The following VPS37C variants were observed in gnomAD, a reference collection of about 807,000 sequenced individuals.
VPS37C encodes the protein VPS37C subunit of ESCRT-I.
A neutral mutation model predicts 16.1 loss-of-function variants in VPS37C; 9 were observed. That is an observed-to-expected ratio of 0.56 (90% CI 0.34 to 0.97). The LOEUF (loss-of-function observed/expected upper bound fraction) is 0.97, where lower values mean the gene tolerates loss of function less well. VPS37C is among the 50% of genes least tolerant of loss of function. The probability of loss-of-function intolerance (pLI) is 0.02; values close to 1 mark genes in which losing one functional copy is unlikely to be tolerated. For synonymous variants in VPS37C, 207 were observed against 206.4 expected, an observed-to-expected ratio of 1.00 and a Z score of -0.02; for missense variants, 479 against 472.7, an observed-to-expected ratio of 1.01 and a Z score of -0.12.
chr11:61,152,528 G>A (rs569712390), intron 1 of VPS37C, among the ~76,000 whole-genome samples: 4 of 152,134 alleles, frequency 2.6e-5, no homozygotes, highest in Admixed American at 2.0e-4. Context: ...CAGTAACCTC[G>A]AGAGAACACT....
chr11:61,133,478 T>C, intron 3 of VPS37C, 141 bp from the exon 4 acceptor site: 1 of 789,958 alleles, frequency 1.3e-6, no homozygotes. Flanking sequence ...GTGGGCTTGA[T>C]GAGCACTTTT....
At chr11:61,157,605 G>A (rs1853398652) in intron 1 of VPS37C, among the ~76,000 whole-genome samples, 3 of 152,160 alleles carry the variant, frequency 2.0e-5, no homozygotes, top group African/African-American at 4.8e-5. Context: ...TTGTTGGGTA[G>A]TAGAAGTTCT....
chr11:61,160,069 G>C (rs1473576444), intron 1 of VPS37C, among the ~76,000 whole-genome samples: 1 of 152,142 alleles, frequency 6.6e-6, no homozygotes, highest in Non-Finnish European at 1.5e-5. Flanking sequence ...CCCTAGAACA[G>C]TGCCCAGCAT....
chr11:61,142,214 A>C (rs1262247883), intron 1 of VPS37C, among the ~76,000 whole-genome samples: 1 of 152,238 alleles, frequency 6.6e-6, no homozygotes, highest in African/African-American at 2.4e-5. Flanking sequence ...GGTATTTACC[A>C]TGTTAGAAAT....
intron 1 of VPS37C, among the ~76,000 whole-genome samples, chr11:61,152,554 G>A (rs1853313340): frequency 6.6e-6 from 1 of 151,932 alleles, no homozygotes; most frequent in African/African-American, 2.4e-5. Flanking sequence ...AGCTCCCATG[G>A]CCCTCCCATG....
chr11:61,132,803 C>T, intron 4 of VPS37C: 1 of 580,974 alleles, frequency 1.7e-6, no homozygotes, highest in African/African-American at 1.9e-5. Context: ...GCCAGGCCCA[C>T]AGTGGCCACT....
rs368023698 is a variant in VPS37C at position 61,131,979 on chromosome 11, G to C, written c.909C>G (p.Pro303=). Residue 303 remains proline, a synonymous_variant, in exon 5 of 5, where the codon CCC becomes CCG. Transcript: ENST00000301765. ...GGTAGGGAGGTTTTCCTCCTGTTGC[G>C]GGGTATGGGGACTGTTGAGGATAAC... ...SPGYPQQSPY[P]ATGGKPPYPI... 30 of 1,314,054 alleles carry C rather than the reference G, an allele frequency of 2.3e-5. No individual in the cohort carries two copies. Among genetic ancestry groups the C allele is most frequent in the Non-Finnish European group, 2.8e-5 (29 of 1,025,202 alleles). The allele number at this position is 1,314,054 out of a possible 1,614,324, so 81.4% of individuals were successfully genotyped here.
Position 61,130,780 on chromosome 11 carries a change from G to T in VPS37C, c.*1040C>A, listed in dbSNP as rs560586404. On this transcript the variant is annotated 3_prime_UTR_variant, in exon 5 of 5. Transcript: ENST00000301765. Reference sequence around the variant, plus strand: ...AAAAAATTGCCCCTAATGTAGTGATGGTGTTTTTTAAAAAGCACCATTTGG... The same window carrying T: ...AAAAAATTGCCCCTAATGTAGTGATTGTGTTTTTTAAAAAGCACCATTTGG... The T allele has an allele frequency of 1.4e-5, 6 of 432,808 alleles. No homozygotes were observed. The highest frequency in any genetic ancestry group is 2.3e-5 in the Non-Finnish European group (5 of 219,310). 26.8% of individuals were successfully genotyped at this position (432,808 alleles called of 1,614,324 possible).
chr11:61,157,504 C>T (rs1331503805), intron 1 of VPS37C, among the ~76,000 whole-genome samples: 1 of 152,128 alleles, frequency 6.6e-6, no homozygotes, highest in Admixed American at 6.5e-5. Flanking sequence ...TGTTGAGCAT[C>T]TTTTCATGTG....
Position 61,138,819 on chromosome 11 carries a change from A to G in VPS37C, c.11T>C (p.Leu4Pro), listed in dbSNP as rs769937572. The change falls in exon 2 of 5, where the codon CTG (leucine) becomes CCG (proline). Residue 4 changes from leucine to proline, a missense_variant. Transcript: ENST00000301765. Reference protein sequence around the residue: METLKDKTLQELEE... With the variant: METPKDKTLQELEE... ...CAGCTCCTGCAGGGTCTTATCCTTCAGCGTCTCCATCCTTCCCTGTGAACA... is the reference window on the plus strand; with the variant it reads ...CAGCTCCTGCAGGGTCTTATCCTTCGGCGTCTCCATCCTTCCCTGTGAACA... 4.3e-6 allele frequency: 7 copies of G among 1,613,996 alleles called. No homozygotes were observed. Among genetic ancestry groups the G allele is most frequent in the South Asian group, 3.3e-5 (3 of 91,082 alleles).
chr11:61,153,920 T>G (rs1294172363), intron 1 of VPS37C, among the ~76,000 whole-genome samples: 1 of 152,172 alleles, frequency 6.6e-6, no homozygotes, highest in Non-Finnish European at 1.5e-5. Context: ...GAAATAGTCT[T>G]GCGTGCCCAC....
Position 61,132,163 on chromosome 11 carries a change from C to A in VPS37C, c.725G>T (p.Gly242Val). 1 of 1,463,670 alleles carries A rather than the reference C, an allele frequency of 6.8e-7. No individual in the cohort carries two copies. Among genetic ancestry groups the A allele is most frequent in the Non-Finnish European group, 9.0e-7 (1 of 1,105,860 alleles). The allele number at this position is 1,463,670 out of a possible 1,614,324, so 90.7% of individuals were successfully genotyped here. ...SQPSFYSGPL[G>V]PTYPAAQLGP... ...AAGCTGGGCTGCCGGGTAAGTGGGGCCCAGAGGCCCGCTGTAGAAGGAGGG... is the reference window on the plus strand; with the variant it reads ...AAGCTGGGCTGCCGGGTAAGTGGGGACCAGAGGCCCGCTGTAGAAGGAGGG... Residue 242 changes from glycine (G) to valine (V), a missense_variant, in exon 5 of 5, where the codon GGC becomes GTC. Coordinates refer to ENST00000301765, the MANE Select transcript of VPS37C (RefSeq NM_017966.5).
chr11:61,158,267 T>C (rs1376814703), intron 1 of VPS37C, among the ~76,000 whole-genome samples: 1 of 152,130 alleles, frequency 6.6e-6, no homozygotes, highest in African/African-American at 2.4e-5. Flanking sequence ...AATGGACGAA[T>C]CCACAATTAC....
chr11:61,159,465 A>T (rs1252694214), intron 1 of VPS37C, among the ~76,000 whole-genome samples: 4 of 152,184 alleles, frequency 2.6e-5, no homozygotes, highest in Non-Finnish European at 5.9e-5. Context: ...CAGAGTTAAA[A>T]GCACATTAAC....
At position 61,132,540 on chromosome 11, in the gene VPS37C, C is replaced by G; in HGVS notation, c.349-1G>C. 6.3e-7 allele frequency: 1 copy of G among 1,588,642 alleles called. No individual in the cohort carries two copies. The highest frequency in any genetic ancestry group is 8.6e-7 in the Non-Finnish European group (1 of 1,166,574). ...CCTCCAGGAACTTCTCAGCCATGGC[C>G]TGGAAGACATAAGGTCCAGTGACAA... On this transcript the variant is annotated splice_acceptor_variant, in intron 4 of 4. Transcript: ENST00000301765. LOFTEE classifies it high-confidence loss of function.
In VPS37C at chr11:61,134,168, T is replaced by C; in HGVS notation, c.133A>G (p.Thr45Ala). Reference sequence around the variant, plus strand: ...TTCCGCTCTGCCAGGCTCCGGTTGGTGGCCAGTGCCATCTCCCGTTCCAGC... The same window carrying C: ...TTCCGCTCTGCCAGGCTCCGGTTGGCGGCCAGTGCCATCTCCCGTTCCAGC... ...LQLEREMALA[T>A]NRSLAERNLE... is the part of the protein sequence containing the mutation. Residue 45 changes from threonine (T) to alanine (A), a missense_variant, in exon 3 of 5, where the codon ACC (threonine) becomes GCC (alanine). By Grantham distance (58) the Thr-to-Ala change is moderately conservative (BLOSUM62 0). Coordinates refer to ENST00000301765, the MANE Select transcript of VPS37C (RefSeq NM_017966.5). 6.2e-7 allele frequency: 1 copy of C among 1,613,954 alleles called. No individual in the cohort carries two copies. The highest frequency in any genetic ancestry group is 8.5e-7 in the Non-Finnish European group (1 of 1,179,906).
intron 1 of VPS37C, among the ~76,000 whole-genome samples, chr11:61,140,990 C>A (rs923435476): frequency 3.9e-5 from 6 of 152,200 alleles, no homozygotes; most frequent in Non-Finnish European, 8.8e-5. Context: ...GTAGAAGGCT[C>A]ATTTGTGGCC....
intron 1 of VPS37C, among the ~76,000 whole-genome samples, chr11:61,155,121 C>G (rs113659852): frequency 1.5e-5 from 2 of 130,950 alleles, no homozygotes; most frequent in Non-Finnish European, 3.2e-5. Flanking sequence ...AAAAAAAAGG[C>G]GGGGGGACAG....
chr11:61,147,531 G>T (rs1445515660), intron 1 of VPS37C, among the ~76,000 whole-genome samples: 1 of 152,110 alleles, frequency 6.6e-6, no homozygotes, highest in African/African-American at 2.4e-5. Flanking sequence ...AGCAGACCGG[G>T]GTGGAAGGGG....
Sources: gnomAD v4.1 joint callset for allele counts (sites outside exome capture counted in the v4.1 genomes callset) on GRCh38, gnomAD v4.1.1 for gene constraint, MANE v1.5 for transcripts, NCBI Gene and HGNC (gene_info 2026-07-23, HGNC 2026-07-21) for gene names.